The following MYO1E variants were observed in gnomAD, a reference collection of about 807,000 sequenced individuals.
MYO1E encodes myosin IE.
A neutral mutation model predicts 151.1 loss-of-function variants in MYO1E; 68 were observed. That is an observed-to-expected ratio of 0.45 (90% CI 0.37 to 0.55). The LOEUF is 0.55. Among genes scored for constraint, MYO1E ranks in the 20% least tolerant of loss-of-function variants. MYO1E has a pLI of 0.00. For missense variants in MYO1E, 1,363 were observed against 1,389.3 expected (o/e 0.98, Z 0.30); for synonymous variants, 601 against 501.7 (o/e 1.20, Z -2.64).
At chr15:59,146,014 A>G (rs1008855626) in intron 26 of MYO1E, among the ~76,000 whole-genome samples, 70 of 152,058 alleles carry the variant, frequency 4.6e-4, no homozygotes, top group African/African-American at 1.6e-3. Context: ...TTGTTTCATT[A>G]TTTCCTTATT....
chr15:59,214,246 C>T lies in MYO1E; in HGVS notation c.1257G>A (p.Leu419=). Residue 419 remains leucine, a synonymous_variant, in exon 12 of 28, where the codon CTG becomes CTA. Transcript: ENST00000288235. ...TGCTTACCTGTTCTGCCTTTAATGTCAGTTCAATAAAAATCTGCTGCAGTT... is the reference window on the plus strand; with the variant it reads ...TGCTTACCTGTTCTGCCTTTAATGTTAGTTCAATAAAAATCTGCTGCAGTT... ...NEKLQQIFIE[L]TLKAEQEEYV... is the part of the protein sequence containing the mutation. 3 of 1,612,736 alleles carry T rather than the reference C, an allele frequency of 1.9e-6. No individual in the cohort carries two copies. The highest frequency in any genetic ancestry group is 2.5e-6 in the Non-Finnish European group (3 of 1,179,228).
intron 10 of MYO1E, among the ~76,000 whole-genome samples, chr15:59,216,679 TATATATACACATACACAC>T (rs1438585391): frequency 1.0e-4 from 3 of 29,902 alleles, no homozygotes; most frequent in African/African-American, 3.2e-4. Context: ...TATATATATA[TATATATACACATACACAC>T]ACACACACAC....
At chr15:59,239,668 G>A (rs1316161033) in intron 4 of MYO1E, among the ~76,000 whole-genome samples, 2 of 152,152 alleles carry the variant, frequency 1.3e-5, no homozygotes, top group East Asian at 3.8e-4. Context: ...AAGTATACCA[G>A]TTCCAAAAAT....
intron 1 of MYO1E, among the ~76,000 whole-genome samples, chr15:59,331,047 GGT>G: frequency 6.6e-6 from 1 of 152,134 alleles, no homozygotes; most frequent in East Asian, 1.9e-4. Flanking sequence ...TGAGATTACA[GGT>G]GTGAGCCACG....
At chr15:59,271,359 T>G (rs1418270144) in intron 2 of MYO1E, among the ~76,000 whole-genome samples, 1 of 152,218 alleles carries the variant, frequency 6.6e-6, no homozygotes, top group African/African-American at 2.4e-5. Flanking sequence ...CTCCACTTTT[T>G]AATAAGTCAT....
chr15:59,265,163 G>A (rs2080245949), intron 2 of MYO1E, among the ~76,000 whole-genome samples: 1 of 152,222 alleles, frequency 6.6e-6, no homozygotes, highest in East Asian at 1.9e-4. Flanking sequence ...TATCCCCAGG[G>A]AAAAACAAAC....
chr15:59,256,216 G>A (rs1295472963), intron 4 of MYO1E, 68 bp downstream of exon 4: 23 of 1,283,616 alleles, frequency 1.8e-5, no homozygotes, highest in African/African-American at 1.3e-4. Flanking sequence ...ACTGCTTATC[G>A]ACCGAAATCC....
intron 1 of MYO1E, among the ~76,000 whole-genome samples, chr15:59,311,987 C>T (rs1333493613): frequency 1.3e-5 from 2 of 152,146 alleles, no homozygotes; most frequent in Non-Finnish European, 2.9e-5. Context: ...GCCTCCAGGA[C>T]CAGGAGAAAT....
At chr15:59,274,277 G>C (rs1433861370) in intron 1 of MYO1E, among the ~76,000 whole-genome samples, 1 of 152,122 alleles carries the variant, frequency 6.6e-6, no homozygotes, top group African/African-American at 2.4e-5. Context: ...ACCACATACA[G>C]CATCAATTCT....
At chr15:59,360,486 T>G (rs1337015726) in intron 1 of MYO1E, among the ~76,000 whole-genome samples, 3 of 152,198 alleles carry the variant, frequency 2.0e-5, no homozygotes, top group African/African-American at 7.2e-5. Flanking sequence ...GCATTCCCCT[T>G]TCTGTCCAGC....
chr15:59,136,083 T>C lies in MYO1E; in HGVS notation c.*1297A>G, dbSNP rs369545427. ...TGAGGGAGAATCTGTTCCAGGCCTC[T>C]GTCCAGGGCTTGTGAATGGCTGTCT... On this transcript the variant is annotated 3_prime_UTR_variant, in exon 28 of 28. Coordinates refer to ENST00000288235, the MANE Select transcript of MYO1E (RefSeq NM_004998.4). 13 of 152,484 alleles carry C rather than the reference T, an allele frequency of 8.5e-5. No individual in the cohort carries two copies. In the East Asian group the frequency reaches 1.2e-3, roughly 14 times the overall value. 9.4% of individuals were successfully genotyped at this position (152,484 alleles called of 1,614,324 possible).
At chr15:59,269,182 C>T (rs2080275240) in intron 2 of MYO1E, among the ~76,000 whole-genome samples, 1 of 152,164 alleles carries the variant, frequency 6.6e-6, no homozygotes, top group South Asian at 2.1e-4. Flanking sequence ...CACTTACACA[C>T]CTGCATGGTA....
rs370949383 is a variant in MYO1E, at chr15:59,229,779, G to A, written c.510+1923C>T. Among the ~76,000 whole-genome samples the A allele has an allele frequency of 9.2e-5, 14 of 151,810 alleles. No homozygotes were observed. The East Asian group carries it at 1.4e-3, about 15-fold the overall frequency. ...AAATTACTCATAATTCTACCCTGAT[G>A]CCACTTCTTCATTCTCTTGCTAAAT... is the stretch of plus-strand genomic sequence containing the variant. On this transcript the variant is annotated intron_variant, in intron 6 of 27. Coordinates refer to ENST00000288235, the MANE Select transcript of MYO1E (RefSeq NM_004998.4).
intron 2 of MYO1E, among the ~76,000 whole-genome samples, chr15:59,264,044 C>T (rs2080239379): frequency 6.6e-6 from 1 of 152,326 alleles, no homozygotes; most frequent in Admixed American, 6.5e-5. Flanking sequence ...TTCAGGTTGA[C>T]TGTCCCTTAT....
chr15:59,158,325 T>C lies in MYO1E; in HGVS notation c.2840A>G (p.Asn947Ser), dbSNP rs2079519843. The C allele has an allele frequency of 8.2e-6, 13 of 1,578,086 alleles. No homozygotes were observed. Among genetic ancestry groups the C allele is most frequent in the Non-Finnish European group, 1.1e-5 (13 of 1,159,742 alleles). Residue 947 changes from asparagine (N) to serine (S), a missense_variant, in exon 25 of 28, where the codon AAT (asparagine) becomes AGT (serine). Coordinates refer to ENST00000288235, the MANE Select transcript of MYO1E (RefSeq NM_004998.4). ...GGCAGCTCTCACTGGGTAGTTGGCA[T>C]TTTGAGTCCCACTGGAATAACCTGT... Reference protein sequence around the residue: ...QNTGYSSGTQNANYPVRAAPP... With the variant: ...QNTGYSSGTQSANYPVRAAPP...
intron 17 of MYO1E, among the ~76,000 whole-genome samples, chr15:59,191,373 A>C (rs2079733575): frequency 6.7e-6 from 1 of 149,816 alleles, no homozygotes; most frequent in Non-Finnish European, 1.5e-5. Flanking sequence ...AGAGAGAAAG[A>C]AATGTCATGT....
In MYO1E at chr15:59,267,173, G is replaced by GCC. The variant is rs1452941004; in HGVS notation, c.147+5132_147+5133insGG. Among the ~76,000 whole-genome samples the GCC allele has an allele frequency of 9.6e-3, 1,447 of 150,412 alleles. 26 individuals carry two copies. The highest frequency in any genetic ancestry group is 0.033 in the African/African-American group (1,364 of 40,820). On this transcript the variant is annotated intron_variant, in intron 2 of 27. Coordinates refer to ENST00000288235, the MANE Select transcript of MYO1E (RefSeq NM_004998.4). ...CCCGAGTAGCCGGGACTACAGGCAT[G>GCC]CGCCACTACGCCCGGCTAATTTTTG...
At chr15:59,139,617 C>A (rs943576593) in intron 26 of MYO1E, among the ~76,000 whole-genome samples, 6 of 150,966 alleles carry the variant, frequency 4.0e-5, no homozygotes, top group South Asian at 2.1e-4. Flanking sequence ...ACTCTGCAGA[C>A]GGCCCTCCTA....
intron 13 of MYO1E, chr15:59,209,052 T>C: frequency 3.1e-6 from 2 of 649,506 alleles, no homozygotes; most frequent in East Asian, 5.6e-5. Context: ...GAAACTCCAC[T>C]TTCCAAAAAG....
Sources: gnomAD v4.1 joint callset for allele counts (sites outside exome capture counted in the v4.1 genomes callset) on GRCh38, gnomAD v4.1.1 for gene constraint, MANE v1.5 for transcripts, NCBI Gene and HGNC (gene_info 2026-07-23, HGNC 2026-07-21) for gene names.